The following LRRC71 variants were observed in gnomAD, a reference collection of about 807,000 sequenced individuals.
LRRC71 encodes the protein leucine rich repeat containing 71, also known as leucine-rich repeat-containing protein 71.
In LRRC71, 54 loss-of-function variants were observed where a neutral mutation model predicts 66.6. The observed-to-expected ratio is 0.81, with a 90% CI of 0.65 to 1.02. LRRC71 has a LOEUF of 1.02. Among genes scored for constraint, LRRC71 ranks in the 50% least tolerant of loss-of-function variants. The probability of loss-of-function intolerance (pLI) is 0.00; values close to 1 mark genes in which losing one functional copy is unlikely to be tolerated. For missense variants in LRRC71, 724 were observed against 718.0 expected, an observed-to-expected ratio of 1.01 and a Z score of -0.10; for synonymous variants, 323 against 303.9, an observed-to-expected ratio of 1.06 and a Z score of -0.65.
downstream of LRRC71, chr1:156,937,086 G>T: frequency 1.3e-6 from 2 of 1,572,080 alleles, no homozygotes; most frequent in South Asian, 2.4e-5. Flanking sequence ...GCTGGGCCTT[G>T]GGGAGGAGGG....
At chr1:156,936,749 G>A (rs1655449870), downstream of LRRC71, 10 of 1,523,502 alleles carry the variant, frequency 6.6e-6, no homozygotes, top group African/African-American at 4.1e-5. Context: ...GCTTAGTGAT[G>A]TGTCCTCACG....
At chr1:156,928,458 CTCCTT>C (rs1444388823) in intron 9 of LRRC71, among the ~76,000 whole-genome samples, 31 of 141,044 alleles carry the variant, frequency 2.2e-4, no homozygotes, top group Admixed American at 1.2e-3. Context: ...TCCTCTTCTT[CTCCTT>C]CTTCTCTTCT....
chr1:156,931,929 C>G lies in LRRC71; in HGVS notation c.1343C>G (p.Ala448Gly), dbSNP rs1352796474. 1 of 1,588,048 alleles carries G rather than the reference C, an allele frequency of 6.3e-7. No homozygotes were observed. The highest frequency in any genetic ancestry group is 1.2e-5 in the South Asian group (1 of 86,668). The change falls in exon 13 of 15, where the codon GCT becomes GGT. Residue 448 changes from alanine to glycine, a missense_variant. Transcript: ENST00000337428. ...ILLESELVVE[A>G]TEVVNPLLEP... is the part of the protein sequence containing the mutation. The stretch of plus-strand genomic sequence containing the variant: ...CTGCTTTAGCAGCTGGTTGTTGAGG[C>G]TACTGAGGTGGTCAACCCTCTCCTG...
intron 1 of LRRC71, 80 bp downstream of exon 1, chr1:156,921,043 G>A: frequency 1.4e-6 from 2 of 1,412,404 alleles, no homozygotes; most frequent in Non-Finnish European, 1.9e-6. Flanking sequence ...ACTGCTCCAA[G>A]GTTATGGCTG....
chr1:156,922,371 C>A (rs1191390131), intron 1 of LRRC71, among the ~76,000 whole-genome samples: 1 of 152,122 alleles, frequency 6.6e-6, no homozygotes, highest in African/African-American at 2.4e-5. Context: ...CTGGATAGGA[C>A]AACATGGAGG....
In LRRC71 at chr1:156,927,592, C is replaced by A. The variant is rs1232051483; in HGVS notation, c.759C>A (p.Thr253=). 6.3e-7 allele frequency: 1 copy of A among 1,599,298 alleles called. No individual in the cohort carries two copies. Residue 253 remains threonine (T), a synonymous_variant, in exon 7 of 15, where the codon ACC becomes ACA. Transcript: ENST00000337428. The part of the protein sequence containing the change: ...ALSTLHSCNR[T]LVSLNLGFNH... ...CCACGCTGCACAGCTGCAACCGGAC[C>A]CTCGTCTCGCTCAACCTGGGTTTCA...
chr1:156,923,846 CA>C (rs1652761380), intron 1 of LRRC71, 102 bp from the exon 2 acceptor site: 3 of 1,241,378 alleles, frequency 2.4e-6, no homozygotes, highest in Middle Eastern at 2.9e-4. Flanking sequence ...TGAATGGCTG[CA>C]AAAATATCCG....
downstream of LRRC71, chr1:156,937,460 G>A (rs1320754898): frequency 1.4e-5 from 22 of 1,541,484 alleles, no homozygotes; most frequent in African/African-American, 4.2e-5. Flanking sequence ...GCTTGAGTCC[G>A]GGGGTCCTGA....
chr1:156,939,753 G>A, the LRRC71 span: 1 of 1,614,026 alleles, frequency 6.2e-7, no homozygotes, highest in Non-Finnish European at 8.5e-7. Flanking sequence ...CACCCCCAGG[G>A]GGTGCTTGCC....
intron 12 of LRRC71, among the ~76,000 whole-genome samples, chr1:156,931,650 G>T (rs142586422): frequency 6.6e-6 from 1 of 152,152 alleles, no homozygotes; most frequent in Non-Finnish European, 1.5e-5. Context: ...GCCCTTCCTG[G>T]CCTGGCCTTT....
chr1:156,932,830 G>A (rs779741092), intron 14 of LRRC71, 23 bp from the exon 15 acceptor site: 2 of 1,533,250 alleles, frequency 1.3e-6, no homozygotes, highest in East Asian at 2.6e-5. Flanking sequence ...CTTGTCAGAT[G>A]TCAGCCTTCC....
chr1:156,935,706 T>C (rs1654920642), downstream of LRRC71: 1 of 404,012 alleles, frequency 2.5e-6, no homozygotes. Context: ...CACACATATG[T>C]GGGGTGAGGG....
chr1:156,940,482 G>A, the LRRC71 span: 5 of 1,504,172 alleles, frequency 3.3e-6, no homozygotes, highest in South Asian at 1.3e-5. Flanking sequence ...ACGTATGGGA[G>A]AGCCTATGGG....
chr1:156,932,028 G>A lies in LRRC71; in HGVS notation c.1441+1G>A, dbSNP rs376165702. 15 of 1,583,940 alleles carry A rather than the reference G, an allele frequency of 9.5e-6. No homozygotes were observed. The Middle Eastern group carries it at 5.1e-4, about 54-fold the overall frequency. On this transcript the variant is annotated splice_donor_variant, in intron 13 of 14. Coordinates refer to ENST00000337428, the MANE Select transcript of LRRC71 (RefSeq NM_144702.3). LOFTEE classifies it high-confidence loss of function. ...GTCCTTTTGCACCTCAACCTCATCC[G>A]TATGTCTGCCAACCTCCCCTGTCCT...
intron 5 of LRRC71, 54 bp downstream of exon 5, chr1:156,925,069 C>A: frequency 6.6e-7 from 1 of 1,506,538 alleles, no homozygotes; most frequent in Non-Finnish European, 9.0e-7. Context: ...GGCGGGTGGT[C>A]AGAGGGGAGC....
At chr1:156,924,172 G>A in intron 2 of LRRC71, 74 bp downstream of exon 2, 1 of 1,479,428 alleles carries the variant, frequency 6.8e-7, no homozygotes, top group Non-Finnish European at 9.2e-7. Context: ...CCCACGCCGG[G>A]CCAAATGGAG....
intron 9 of LRRC71, among the ~76,000 whole-genome samples, chr1:156,928,363 C>CTCTTCTTCTTCT (rs71080802): frequency 0.025 from 2,461 of 98,766 alleles, 90 homozygotes; most frequent in Admixed American, 0.042. Flanking sequence ...CTTCTTCTTC[C>CTCTTCTTCTTCT]TCTTCTTCTT....
At chr1:156,935,925 C>A (rs74584761), downstream of LRRC71, 1,742 of 1,513,802 alleles carry the variant, frequency 1.2e-3, 17 homozygotes, top group African/African-American at 0.022. Flanking sequence ...TGGGATCCCC[C>A]CTACCCTGTG....
intron 5 of LRRC71, 40 bp from the exon 6 acceptor site, chr1:156,927,162 C>T (rs765317056): frequency 1.3e-6 from 2 of 1,581,574 alleles, no homozygotes; most frequent in Non-Finnish European, 8.6e-7. Context: ...TACCTGGCCT[C>T]AGTGGTACCT....
Sources: allele counts gnomAD v4.1 joint callset (sites outside exome capture counted in the v4.1 genomes callset), GRCh38; gene constraint gnomAD v4.1.1; transcripts MANE v1.5; gene names NCBI Gene and HGNC (gene_info 2026-07-23, HGNC 2026-07-21).